RASGRF2: variants seen among roughly 807,000 people sequenced by gnomAD.
RASGRF2 encodes ras-specific guanine nucleotide-releasing factor 2.
Under a neutral mutation model 151.0 loss-of-function variants are expected in RASGRF2, and 76 were observed. The observed-to-expected ratio is 0.50, with a 90% CI of 0.42 to 0.61. The LOEUF is 0.61. RASGRF2 is among the 20% of genes least tolerant of loss of function. The pLI, the probability that RASGRF2 is intolerant of heterozygous loss-of-function variation, is 0.00. For missense variants in RASGRF2, 1,148 were observed against 1,564.6 expected, an observed-to-expected ratio of 0.73 and a Z score of 4.49; for synonymous variants, 504 against 566.5, an observed-to-expected ratio of 0.89 and a Z score of 1.57.
chr5:81,224,135 A>G (rs369947805), intron 26 of RASGRF2, among the ~76,000 whole-genome samples: 3 of 152,364 alleles, frequency 2.0e-5, no homozygotes, highest in African/African-American at 4.8e-5. Context: ...AGCATAAACA[A>G]TTCAACTGGT....
At chr5:81,003,978 CT>C (rs1246756338) in intron 1 of RASGRF2, among the ~76,000 whole-genome samples, 8 of 152,176 alleles carry the variant, frequency 5.3e-5, no homozygotes, top group Admixed American at 5.2e-4. Context: ...GATCATTTAA[CT>C]TTACATCAGT....
intron 5 of RASGRF2, among the ~76,000 whole-genome samples, chr5:81,073,722 C>T (rs1751853191): frequency 6.6e-6 from 1 of 152,028 alleles, no homozygotes; most frequent in African/African-American, 2.4e-5. Flanking sequence ...GGGTTCACGC[C>T]ATCCTCCTGC....
At chr5:81,117,480 G>A (rs1001991664) in intron 15 of RASGRF2, among the ~76,000 whole-genome samples, 2 of 152,142 alleles carry the variant, frequency 1.3e-5, no homozygotes, top group African/African-American at 4.8e-5. Flanking sequence ...TATGTGTGTA[G>A]AGGCCTCATG....
intron 5 of RASGRF2, among the ~76,000 whole-genome samples, chr5:81,075,255 G>C (rs149519271): frequency 6.6e-6 from 1 of 152,122 alleles, no homozygotes; most frequent in African/African-American, 2.4e-5. Context: ...CCAGTGTCAC[G>C]GAATTTACCA....
chr5:80,972,758 G>A (rs748586430), intron 1 of RASGRF2, among the ~76,000 whole-genome samples: 1 of 152,212 alleles, frequency 6.6e-6, no homozygotes, highest in Non-Finnish European at 1.5e-5. Context: ...GGGATTACAG[G>A]CGTGAGCCAC....
At chr5:81,171,325 T>C (rs1042200447) in intron 17 of RASGRF2, among the ~76,000 whole-genome samples, 3 of 152,222 alleles carry the variant, frequency 2.0e-5, no homozygotes, top group Admixed American at 6.5e-5. Flanking sequence ...AAAATCGTTA[T>C]TATTTTGGTT....
intron 17 of RASGRF2, among the ~76,000 whole-genome samples, chr5:81,174,245 GAC>G (rs1432344860): frequency 1.3e-5 from 2 of 152,318 alleles, no homozygotes; most frequent in East Asian, 3.9e-4. Flanking sequence ...TGGAAGAAAA[GAC>G]ACATACACTT....
chr5:81,014,858 CATT>C (rs1165977030), intron 1 of RASGRF2, among the ~76,000 whole-genome samples: 2 of 152,052 alleles, frequency 1.3e-5, no homozygotes, highest in Admixed American at 1.3e-4. Flanking sequence ...TGTACATAGT[CATT>C]ATATATATTT....
At chr5:81,021,536 A>C (rs546739396) in intron 1 of RASGRF2, among the ~76,000 whole-genome samples, 2 of 150,074 alleles carry the variant, frequency 1.3e-5, no homozygotes, top group Admixed American at 1.3e-4. Flanking sequence ...AAGAGGGCTC[A>C]CATGTTCTTG....
chr5:81,059,002 G>A (rs1414682128), intron 2 of RASGRF2, among the ~76,000 whole-genome samples: 5 of 152,154 alleles, frequency 3.3e-5, no homozygotes, highest in African/African-American at 1.2e-4. Flanking sequence ...GATTATTATT[G>A]TAATAGTTCC....
At chr5:81,012,221 T>A (rs551151383) in intron 1 of RASGRF2, among the ~76,000 whole-genome samples, 1 of 152,348 alleles carries the variant, frequency 6.6e-6, no homozygotes, top group East Asian at 1.9e-4. Flanking sequence ...ACTTGTAATT[T>A]TTTTCTTGAC....
Position 80,960,765 on chromosome 5 carries a change from G to A in RASGRF2, c.27G>A (p.Glu9=). MQKSVRYN[E]GHALYLAFLA... ...TGCAGAAGAGCGTGCGCTACAACGA[G>A]GGGCACGCCCTGTACCTGGCCTTTC... is the stretch of plus-strand genomic sequence containing the variant. Residue 9 remains glutamate (E), a synonymous_variant, in exon 1 of 27, where the codon GAG becomes GAA. Coordinates refer to ENST00000265080, the MANE Select transcript of RASGRF2 (RefSeq NM_006909.3). The surrounding 1 kb of genome is among the most constrained non-coding windows in gnomAD (Gnocchi z 5.5). The A allele has an allele frequency of 1.9e-6, 3 of 1,604,660 alleles. No individual in the cohort carries two copies. Among genetic ancestry groups the A allele is most frequent in the Non-Finnish European group, 2.6e-6 (3 of 1,173,730 alleles).
chr5:81,201,626 C>T (rs532555908), intron 19 of RASGRF2, among the ~76,000 whole-genome samples, 184 bp downstream of exon 19: 5 of 152,226 alleles, frequency 3.3e-5, no homozygotes, highest in South Asian at 2.1e-4. Flanking sequence ...CAGGAAGACT[C>T]GGGACGGGGT....
chr5:81,113,730 G>A lies in RASGRF2; in HGVS notation c.2280G>A (p.Leu760=), dbSNP rs1753068631. 6.2e-7 allele frequency: 1 copy of A among 1,613,902 alleles called. No individual in the cohort carries two copies. Among genetic ancestry groups the A allele is most frequent in the Admixed American group, 1.7e-5 (1 of 59,978 alleles). Reference sequence around the variant, plus strand: ...ACTCAAAGATAGGAGCATTGGACCTGACAACTTCCAGCAGTCCCACCACCA... The same window carrying A: ...ACTCAAAGATAGGAGCATTGGACCTAACAACTTCCAGCAGTCCCACCACCA... ...PLNSKIGALD[L]TTSSSPTTTT... is the part of the protein sequence containing the mutation. The change falls in exon 15 of 27, where the codon CTG becomes CTA. Residue 760 remains leucine, a synonymous_variant. Transcript: ENST00000265080.
rs34158947 is a variant in RASGRF2 at position 81,151,385 on chromosome 5, C to CT, written c.2686+24239dup. Reference sequence around the variant, plus strand: ...TTTTGGTCCACAGGAAAACTGGTACCTTTTTTTTTTTTTTTTTGAGATGGA... The same window carrying CT: ...TTTTGGTCCACAGGAAAACTGGTACCTTTTTTTTTTTTTTTTTTGAGATGGA... On this transcript the variant is annotated intron_variant, in intron 17 of 26. Transcript: ENST00000265080. Among the ~76,000 whole-genome samples the CT allele has an allele frequency of 6.2e-3, 830 of 134,632 alleles. 9 individuals are homozygous for CT. The highest frequency in any genetic ancestry group is 0.043 in the Middle Eastern group (11 of 254). The allele number at this position is 134,632 out of a possible 152,430, so 88.3% of individuals were successfully genotyped here.
chr5:81,108,920 C>A, intron 12 of RASGRF2, 76 bp from the exon 13 acceptor site: 4 of 1,441,286 alleles, frequency 2.8e-6, no homozygotes, highest in South Asian at 1.4e-5. Flanking sequence ...ATTCTTTTAG[C>A]TATAAACAAT....
chr5:81,094,921 G>C lies in RASGRF2; in HGVS notation c.1684G>C (p.Ala562Pro). The change falls in exon 12 of 27, where the codon GCC (alanine) becomes CCC (proline). Residue 562 changes from alanine (A) to proline (P), a missense_variant. Ala to Pro is a conservative substitution (Grantham distance 27). Transcript: ENST00000265080. ...FKIVVEPPDA[A>P]AFTVVLLAPS... ...AATAGTGGTGGAGCCTCCTGACGCT[G>C]CCGCCTTCACTGTTGTCTTGTTAGC... is the stretch of plus-strand genomic sequence containing the variant. The C allele has an allele frequency of 5.0e-6, 8 of 1,603,438 alleles. No individual in the cohort carries two copies. The highest frequency in any genetic ancestry group is 6.8e-6 in the Non-Finnish European group (8 of 1,172,248).
At chr5:81,160,094 C>T (rs1368217032) in intron 17 of RASGRF2, among the ~76,000 whole-genome samples, 1 of 152,102 alleles carries the variant, frequency 6.6e-6, no homozygotes, top group South Asian at 2.1e-4. Flanking sequence ...TCAACACCAG[C>T]CTGGTCAACA....
intron 1 of RASGRF2, among the ~76,000 whole-genome samples, chr5:81,005,439 C>T (rs13157328): frequency 0.23 from 34,762 of 152,054 alleles, 4,163 homozygotes; most frequent in African/African-American, 0.28. Flanking sequence ...CCATTACCTC[C>T]CACCAGGTTC....
Sources: allele counts gnomAD v4.1 joint callset (sites outside exome capture counted in the v4.1 genomes callset), GRCh38; gene constraint gnomAD v4.1.1; non-coding constraint Gnocchi (gnomAD v3.1); transcripts MANE v1.5; gene names NCBI Gene and HGNC (gene_info 2026-07-23, HGNC 2026-07-21).